Variants in ROBO1 observed in about 807,000 individuals in gnomAD.
ROBO1 encodes roundabout homolog 1.
A neutral mutation model predicts 195.9 loss-of-function variants in ROBO1; 149 were observed. The ratio of observed to expected loss-of-function variants is 0.76; its 90% CI spans 0.67 to 0.87. The LOEUF is 0.87. Ranked by LOEUF, ROBO1 falls within the 40% of genes least tolerant of loss-of-function variation. The pLI is 0.00. For missense variants in ROBO1, 1,933 were observed against 2,068.3 expected, an observed-to-expected ratio of 0.93 and a Z score of 1.27; for synonymous variants, 816 against 733.2, an observed-to-expected ratio of 1.11 and a Z score of -1.82.
At chr3:79,623,256 T>A (rs2107987746) in intron 1 of ROBO1, among the ~76,000 whole-genome samples, 1 of 152,212 alleles carries the variant, frequency 6.6e-6, no homozygotes, top group South Asian at 2.1e-4. Flanking sequence ...AATGAAAAAT[T>A]GCTAAAAACC....
chr3:79,561,743 C>A (rs925205000), intron 2 of ROBO1, among the ~76,000 whole-genome samples: 1 of 152,100 alleles, frequency 6.6e-6, no homozygotes, highest in African/African-American at 2.4e-5. Context: ...AGCAAATTAA[C>A]AGCACTATGG....
rs957849974 is a variant in ROBO1, at chr3:78,598,796, C to T, written c.*117G>A. On this transcript the variant is annotated 3_prime_UTR_variant, in exon 31 of 31. Transcript: ENST00000464233. ...GATATCCCAATAAGAGGAATAAAAACGACAATTTGTACACTCTGATTGCAC... is the reference window on the plus strand; with the variant it reads ...GATATCCCAATAAGAGGAATAAAAATGACAATTTGTACACTCTGATTGCAC... 7.2e-5 allele frequency: 44 copies of T among 614,300 alleles called. No homozygotes were observed. The highest frequency in any genetic ancestry group is 3.7e-4 in the African/African-American group (20 of 53,474). 38.1% of individuals were successfully genotyped at this position (614,300 alleles called of 1,614,324 possible). A position where few individuals can be genotyped will look rare whatever the true frequency, so the allele number is the denominator to read the frequency against.
At chr3:78,782,751 TTAAA>T (rs1461569963) in intron 4 of ROBO1, among the ~76,000 whole-genome samples, 1 of 152,222 alleles carries the variant, frequency 6.6e-6, no homozygotes, top group Non-Finnish European at 1.5e-5. Flanking sequence ...GGATTATTAA[TTAAA>T]TGTCTACTAG....
chr3:78,992,567 T>C (rs1403666713), intron 3 of ROBO1, among the ~76,000 whole-genome samples: 2 of 152,174 alleles, frequency 1.3e-5, no homozygotes, highest in Non-Finnish European at 2.9e-5. Context: ...TTATTACTTG[T>C]ATGACATAAT....
At chr3:78,689,728 C>A (rs1420895925) in intron 8 of ROBO1, among the ~76,000 whole-genome samples, 1 of 151,974 alleles carries the variant, frequency 6.6e-6, no homozygotes, top group Non-Finnish European at 1.5e-5. Context: ...TTCTACAGGA[C>A]AGGGTTTGTC....
intron 8 of ROBO1, chr3:78,692,968 T>C (rs151300524): frequency 8.1e-4 from 137 of 169,978 alleles, no homozygotes; most frequent in Middle Eastern, 2.7e-3. Context: ...TTCACAAATA[T>C]ATTTTGAACC....
intron 4 of ROBO1, among the ~76,000 whole-genome samples, chr3:78,818,731 T>C (rs983675911): frequency 6.6e-6 from 1 of 152,178 alleles, no homozygotes; most frequent in Non-Finnish European, 1.5e-5. Context: ...TGCAAGTTCC[T>C]CGGCCTTGGC....
At chr3:79,385,604 T>G (rs1172200094) in intron 2 of ROBO1, among the ~76,000 whole-genome samples, 1 of 152,130 alleles carries the variant, frequency 6.6e-6, no homozygotes, top group East Asian at 1.9e-4. Flanking sequence ...AATAATCAGT[T>G]GTGACCTTAA....
At chr3:78,637,977 T>G (rs1396230190) in intron 22 of ROBO1, among the ~76,000 whole-genome samples, 63 of 128,680 alleles carry the variant, frequency 4.9e-4, no homozygotes, top group African/African-American at 2.2e-3. Context: ...AATATTGGGT[T>G]TTTTTTTGGG....
intron 1 of ROBO1, among the ~76,000 whole-genome samples, chr3:79,674,979 A>T (rs57852029): frequency 0.028 from 4,268 of 151,876 alleles, 159 homozygotes; most frequent in African/African-American, 0.084. Flanking sequence ...CATTTTCTTA[A>T]ATTTATTCCT....
intron 1 of ROBO1, among the ~76,000 whole-genome samples, chr3:79,594,274 C>T (rs1052191808): frequency 6.6e-5 from 10 of 151,916 alleles, no homozygotes. Flanking sequence ...TTTGTATGTT[C>T]TCTCAGTATT....
intron 2 of ROBO1, among the ~76,000 whole-genome samples, chr3:79,190,477 G>T (rs1470026179): frequency 6.6e-6 from 1 of 151,606 alleles, no homozygotes; most frequent in African/African-American, 2.4e-5. Context: ...CACAAATTGA[G>T]TATTGGAGAG....
chr3:79,331,871 G>A (rs1310002372), intron 2 of ROBO1, among the ~76,000 whole-genome samples: 11 of 152,084 alleles, frequency 7.2e-5, no homozygotes, highest in African/African-American at 2.2e-4. Context: ...GGTCGGGCGC[G>A]GTGGCTCATG....
chr3:79,453,251 C>T (rs1224619659), intron 2 of ROBO1, among the ~76,000 whole-genome samples: 1 of 151,950 alleles, frequency 6.6e-6, no homozygotes, highest in African/African-American at 2.4e-5. Context: ...AACACCTGAG[C>T]CATCAAATGC....
intron 1 of ROBO1, among the ~76,000 whole-genome samples, chr3:79,686,079 A>T (rs985692861): frequency 2.0e-5 from 3 of 152,218 alleles, no homozygotes; most frequent in Non-Finnish European, 2.9e-5. Context: ...TATGCAAATC[A>T]ATAAACATAA....
At chr3:79,300,823 C>T (rs1332413365) in intron 2 of ROBO1, among the ~76,000 whole-genome samples, 1 of 152,108 alleles carries the variant, frequency 6.6e-6, no homozygotes, top group East Asian at 1.9e-4. Flanking sequence ...ATGCACCAAT[C>T]GACACTCTGT....
intron 4 of ROBO1, among the ~76,000 whole-genome samples, chr3:78,763,207 A>T (rs541317321): frequency 6.6e-5 from 10 of 152,188 alleles, no homozygotes; most frequent in Admixed American, 5.2e-4. Context: ...GTTGGTATCA[A>T]AGCAACAATT....
chr3:79,186,708 A>G (rs551303743), intron 2 of ROBO1, among the ~76,000 whole-genome samples: 63 of 152,196 alleles, frequency 4.1e-4, no homozygotes, highest in African/African-American at 1.5e-3. Flanking sequence ...CTAGTCCATG[A>G]TTTACCATCC....
chr3:79,105,718 A>G (rs1283942858), intron 3 of ROBO1, among the ~76,000 whole-genome samples: 1 of 151,766 alleles, frequency 6.6e-6, no homozygotes, highest in Admixed American at 6.6e-5. Flanking sequence ...AGGAAACTGC[A>G]TTGAAAAAAT....
Sources: gnomAD v4.1 joint callset for allele counts (sites outside exome capture counted in the v4.1 genomes callset) on GRCh38, gnomAD v4.1.1 for gene constraint, MANE v1.5 for transcripts, NCBI Gene and HGNC (gene_info 2026-07-23, HGNC 2026-07-21) for gene names.